MRPL44: variants seen among roughly 807,000 people sequenced by gnomAD.
The protein encoded by MRPL44 is mitochondrial ribosomal protein L44, also known as large ribosomal subunit protein mL44.
Under a neutral mutation model 25.9 loss-of-function variants are expected in MRPL44, and 21 were observed. The observed-to-expected ratio is 0.81, with a 90% CI of 0.58 to 1.17. The LOEUF (loss-of-function observed/expected upper bound fraction) is 1.17, where lower values mean the gene tolerates loss of function less well. Ranked by LOEUF, MRPL44 falls within the 50% of genes most tolerant of loss-of-function variation. The probability of loss-of-function intolerance (pLI) is 0.00; values close to 1 mark genes in which losing one functional copy is unlikely to be tolerated. For synonymous variants in MRPL44, 169 were observed against 151.0 expected, an observed-to-expected ratio of 1.12 and a Z score of -0.87; for missense variants, 410 against 398.9, an observed-to-expected ratio of 1.03 and a Z score of -0.24.
At chr2:223,965,756 C>CA (rs1689730756) in intron 3 of MRPL44, 1 of 152,156 alleles carries the variant, frequency 6.6e-6, no homozygotes, top group Admixed American at 6.5e-5. Flanking sequence ...AGTGTTACCT[C>CA]ACTTGGGAAT....
chr2:223,956,659 CAA>C (rs954149579), upstream of MRPL44, among the ~76,000 whole-genome samples: 3 of 152,190 alleles, frequency 2.0e-5, no homozygotes, highest in Non-Finnish European at 4.4e-5. Context: ...ATGCCTTTAA[CAA>C]AGAGATCACA....
Position 223,967,184 on chromosome 2 carries a change from A to AAAACACT in MRPL44, c.*150_*151insAAACACT. Reference sequence around the variant, plus strand: ...CCCAAAATTAAATAAGTGTTAACCAAGTCACAGTGTTTTTGGTTTTGTTTT... The same window carrying AAAACACT: ...CCCAAAATTAAATAAGTGTTAACCAAAAACACTGTCACAGTGTTTTTGGTTTTGTTTT... On this transcript the variant is annotated 3_prime_UTR_variant, in exon 4 of 4. Coordinates refer to ENST00000258383, the MANE Select transcript of MRPL44 (RefSeq NM_022915.5). The AAAACACT allele has an allele frequency of 1.3e-6, 1 of 765,836 alleles. No homozygotes were observed. Among genetic ancestry groups the AAAACACT allele is most frequent in the Non-Finnish European group, 2.0e-6 (1 of 508,946 alleles). The allele number at this position is 765,836 out of a possible 1,614,324, so 47.4% of individuals were successfully genotyped here. A position where few individuals can be genotyped will look rare whatever the true frequency, so the allele number is the denominator to read the frequency against.
At chr2:223,966,813 G>A in intron 3 of MRPL44, 50 bp from the exon 4 acceptor site, 1 of 1,558,464 alleles carries the variant, frequency 6.4e-7, no homozygotes, top group Non-Finnish European at 8.8e-7. Context: ...TTTGTGTACT[G>A]TCTTACAATA....
At chr2:223,957,395 C>T (rs1007145433), upstream of MRPL44, 4 of 1,573,860 alleles carry the variant, frequency 2.5e-6, no homozygotes, top group Admixed American at 1.7e-5. Flanking sequence ...TTCCGCGTTC[C>T]GGGTTCCGGG....
At chr2:223,957,774 A>T in intron 1 of MRPL44, 123 bp downstream of exon 1, 1 of 1,168,946 alleles carries the variant, frequency 8.6e-7, no homozygotes, top group East Asian at 2.6e-5. Context: ...TGCGATGGAG[A>T]CACCCGTGAG....
rs1393080638 is a variant in MRPL44, at chr2:223,959,553, G to A, written c.199G>A (p.Asp67Asn). 1 of 1,610,826 alleles carries A rather than the reference G, an allele frequency of 6.2e-7. No homozygotes were observed. Among genetic ancestry groups the A allele is most frequent in the Non-Finnish European group, 8.5e-7 (1 of 1,178,674 alleles). ...TTTCAGTTCAGAGAAGCCGAACTGG[G>A]ATTACCATGCAGAAATACAAGCTTT... is the stretch of plus-strand genomic sequence containing the variant. ...PVRRSEKPNW[D>N]YHAEIQAFGH... Residue 67 changes from aspartate (D) to asparagine (N), a missense_variant, in exon 2 of 4, where the codon GAT (aspartate) becomes AAT (asparagine). By Grantham distance (23) the Asp-to-Asn change is conservative. Coordinates refer to ENST00000258383, the MANE Select transcript of MRPL44 (RefSeq NM_022915.5).
the MRPL44 span, among the ~76,000 whole-genome samples, chr2:223,951,974 A>G: frequency 6.6e-6 from 1 of 152,220 alleles, no homozygotes; most frequent in Non-Finnish European, 1.5e-5. Context: ...GAAGTAAGGT[A>G]TGTTAGCTTA....
chr2:223,957,405 G>C, upstream of MRPL44: 1 of 1,589,248 alleles, frequency 6.3e-7, no homozygotes, highest in Non-Finnish European at 8.6e-7. Flanking sequence ...CGGGTTCCGG[G>C]GGAAGTGTGT....
At chr2:223,964,563 T>C (rs1023452799) in intron 3 of MRPL44, among the ~76,000 whole-genome samples, 1 of 152,188 alleles carries the variant, frequency 6.6e-6, no homozygotes, top group Non-Finnish European at 1.5e-5. Context: ...ATGGGGAAAA[T>C]GGATAGTGTT....
In MRPL44 at chr2:223,959,765, T is replaced by TA. The variant is rs2106116557; in HGVS notation, c.412dup (p.Thr138AsnfsTer5). 6 of 1,614,188 alleles carry TA rather than the reference T, an allele frequency of 3.7e-6. No individual in the cohort carries two copies. The highest frequency in any genetic ancestry group is 5.1e-6 in the Non-Finnish European group (6 of 1,180,028). Reference sequence around the variant, plus strand: ...GGACATCTTTTTCACAGACTTGCCTTACACAGTTTCTTGAAGACGAGTACC... The same window carrying TA: ...GGACATCTTTTTCACAGACTTGCCTTAACACAGTTTCTTGAAGACGAGTACC... On this transcript the variant is annotated frameshift_variant, in exon 2 of 4. Transcript: ENST00000258383. LOFTEE classifies it high-confidence loss of function.
At chr2:223,965,698 G>A (rs2106119869) in intron 3 of MRPL44, 1 of 152,160 alleles carries the variant, frequency 6.6e-6, no homozygotes, top group East Asian at 1.9e-4. Context: ...GTAAAGCAGA[G>A]GAATACCTAC....
At position 223,957,798 on chromosome 2, in the gene MRPL44, G is replaced by A. The variant is rs140786762; in HGVS notation, c.179+147G>A. ...GACACCCGTGAGCTGTGGGCGCGGG[G>A]CCTGAGGCAAAAAAAATGGATTTGT... On this transcript the variant is annotated intron_variant, in intron 1 of 3. Coordinates refer to ENST00000258383, the MANE Select transcript of MRPL44 (RefSeq NM_022915.5). 1.2e-3 allele frequency: 1,127 copies of A among 944,284 alleles called. 7 individuals carry two copies. The highest frequency in any genetic ancestry group is 0.012 in the East Asian group (439 of 37,656). The allele number at this position is 944,284 out of a possible 1,614,324, so 58.5% of individuals were successfully genotyped here. A position where few individuals can be genotyped will look rare whatever the true frequency, so the allele number is the denominator to read the frequency against.
At chr2:223,960,045 GAA>G in intron 2 of MRPL44, 43 bp downstream of exon 2, 1 of 1,430,408 alleles carries the variant, frequency 7.0e-7, no homozygotes, top group African/African-American at 1.4e-5. Flanking sequence ...AGACAGAAGG[GAA>G]AATATTCTTT....
chr2:223,967,234 C>A lies in MRPL44; in HGVS notation c.*200C>A. 2.2e-6 allele frequency: 1 copy of A among 464,630 alleles called. No individual in the cohort carries two copies. The allele number at this position is 464,630 out of a possible 1,614,324, so 28.8% of individuals were successfully genotyped here. ...TTCTGAAATCTTGGTTTGATCAAAT[C>A]TTTTTTTTTTTCTCTTGAGATGGAG... is the stretch of plus-strand genomic sequence containing the variant. On this transcript the variant is annotated 3_prime_UTR_variant, in exon 4 of 4. Coordinates refer to ENST00000258383, the MANE Select transcript of MRPL44 (RefSeq NM_022915.5).
chr2:223,954,191 T>G (rs1287399574), upstream of MRPL44, among the ~76,000 whole-genome samples: 1 of 152,198 alleles, frequency 6.6e-6, no homozygotes, highest in Admixed American at 6.5e-5. Context: ...TTTGTGCATG[T>G]TATGGAATGT....
At chr2:223,955,863 T>C (rs150000291), upstream of MRPL44, among the ~76,000 whole-genome samples, 7 of 152,320 alleles carry the variant, frequency 4.6e-5, no homozygotes, top group East Asian at 1.2e-3. Context: ...ATTGAATAAA[T>C]AGACAAATGT....
intron 1 of MRPL44, 108 bp from the exon 2 acceptor site, chr2:223,959,426 C>T (rs1689620841): frequency 1.2e-6 from 1 of 865,366 alleles, no homozygotes; most frequent in Non-Finnish European, 1.8e-6. Flanking sequence ...ATATAACCTT[C>T]TTTCATTTCC....
At chr2:223,951,301 A>AT in the MRPL44 span, among the ~76,000 whole-genome samples, 1 of 152,082 alleles carries the variant, frequency 6.6e-6, no homozygotes, top group Non-Finnish European at 1.5e-5. Flanking sequence ...GAAATTATTT[A>AT]TTTTTTTATA....
upstream of MRPL44, chr2:223,957,316 G>A (rs1052911043): frequency 1.5e-5 from 13 of 870,520 alleles, no homozygotes; most frequent in East Asian, 1.6e-4. Flanking sequence ...CCCCGGGGCT[G>A]TCTCCGCCCC....
Sources: gnomAD v4.1 joint callset for allele counts (sites outside exome capture counted in the v4.1 genomes callset) on GRCh38, gnomAD v4.1.1 for gene constraint, MANE v1.5 for transcripts, NCBI Gene and HGNC (gene_info 2026-07-23, HGNC 2026-07-21) for gene names.